SYMPK: variants seen among roughly 807,000 people sequenced by gnomAD.
The protein encoded by SYMPK is symplekin.
In SYMPK, 49 loss-of-function variants were observed where a neutral mutation model predicts 136.4. The ratio of observed to expected loss-of-function variants is 0.36; its 90% CI spans 0.29 to 0.46. SYMPK has a LOEUF of 0.46. SYMPK is among the 20% of genes least tolerant of loss of function. The pLI is 1.00. For synonymous variants in SYMPK, 766 were observed against 713.0 expected (o/e 1.07, Z -1.19); for missense variants, 1,365 against 1,690.0 (o/e 0.81, Z 3.37).
At chr19:45,827,359 G>A (rs59195250) in intron 16 of SYMPK, 151 bp downstream of exon 16, 4 of 460,306 alleles carry the variant, frequency 8.7e-6, no homozygotes, top group Admixed American at 4.0e-5. Flanking sequence ...AAATAAAACA[G>A]ACAGAAATAG....
intron 9 of SYMPK, 111 bp from the exon 10 acceptor site, chr19:45,838,726 G>A: frequency 1.7e-6 from 2 of 1,211,458 alleles, no homozygotes; most frequent in Non-Finnish European, 1.1e-6. Context: ...GCAAACAGGA[G>A]CAAACAGCGG....
At chr19:45,860,510 A>AAG (rs546226005) in intron 1 of SYMPK, among the ~76,000 whole-genome samples, 1 of 151,566 alleles carries the variant, frequency 6.6e-6, no homozygotes, top group Non-Finnish European at 1.5e-5. Flanking sequence ...GAGAAAGAGA[A>AAG]AGAGAGAGAG....
intron 1 of SYMPK, chr19:45,862,113 G>A (rs1320419368): frequency 6.6e-6 from 1 of 151,746 alleles, no homozygotes; most frequent in Non-Finnish European, 1.5e-5. Flanking sequence ...ATATGTTGGA[G>A]GCCACTATAT....
intron 26 of SYMPK, 51 bp from the exon 27 acceptor site, chr19:45,815,748 C>T: frequency 6.3e-7 from 1 of 1,599,306 alleles, no homozygotes; most frequent in Non-Finnish European, 8.5e-7. Context: ...CGGTCACCTC[C>T]ACGCTCCCCT....
chr19:45,853,129 G>C (rs1483721976), intron 3 of SYMPK, among the ~76,000 whole-genome samples: 1 of 152,160 alleles, frequency 6.6e-6, no homozygotes, highest in African/African-American at 2.4e-5. Flanking sequence ...GACCACCCAT[G>C]GGGGAGGCAC....
Position 45,834,322 on chromosome 19 carries a change from G to C in SYMPK, c.1393+756C>G, listed in dbSNP as rs543622506. Reference sequence around the variant, plus strand: ...AACAAAACAAAAGCTAGCCAGGCGTGGTGGCATGTGCCTGTAGTCCCAGCT... The same window carrying C: ...AACAAAACAAAAGCTAGCCAGGCGTCGTGGCATGTGCCTGTAGTCCCAGCT... On this transcript the variant is annotated intron_variant, in intron 11 of 26. Transcript: ENST00000245934. 2.0e-4 allele frequency among the ~76,000 whole-genome samples: 30 copies of C among 152,118 alleles called. No individual in the cohort carries two copies. The South Asian group carries it at 6.2e-3, about 32-fold the overall frequency.
chr19:45,819,131 C>T (rs1315018390), intron 22 of SYMPK: 1 of 152,202 alleles, frequency 6.6e-6, no homozygotes, highest in Non-Finnish European at 1.5e-5. Flanking sequence ...CCTGCCTGCT[C>T]AGCCACCCCA....
intron 10 of SYMPK, among the ~76,000 whole-genome samples, 175 bp from the exon 11 acceptor site, chr19:45,835,403 T>G (rs921832715): frequency 9.9e-5 from 15 of 152,040 alleles, no homozygotes; most frequent in Admixed American, 5.2e-4. Flanking sequence ...TATAGTGTAG[T>G]GCTTGAGAGG....
intron 16 of SYMPK, 33 bp downstream of exon 16, chr19:45,827,477 T>TGA (rs772585589): frequency 6.4e-7 from 1 of 1,557,844 alleles, no homozygotes; most frequent in Non-Finnish European, 8.9e-7. Context: ...AGCTGCAGGC[T>TGA]GAGGGCAGCC....
intron 23 of SYMPK, 120 bp from the exon 24 acceptor site, chr19:45,817,094 G>C (rs1312038020): frequency 1.1e-5 from 12 of 1,085,130 alleles, no homozygotes; most frequent in Non-Finnish European, 1.3e-5. Context: ...GATTCCTCTG[G>C]ATGGGCAACA....
chr19:45,829,320 T>C (rs1167515678), intron 13 of SYMPK, 115 bp from the exon 14 acceptor site: 10 of 947,562 alleles, frequency 1.1e-5, no homozygotes, highest in South Asian at 4.8e-5. Flanking sequence ...AGACAAGGAG[T>C]GAAGCGAGGA....
chr19:45,842,476 C>A lies in SYMPK; in HGVS notation c.861G>T (p.Pro287=). ...TGCTCACCTGCGATTTGGCCAGCGT[C>A]GGGGGCAGGTTGGCTGTGAGGAAAG... is the stretch of plus-strand genomic sequence containing the variant. ...AYETLHANLP[P]TLAKSQVSSV... is the part of the protein sequence containing the mutation. Residue 287 remains proline, a synonymous_variant, in exon 9 of 27, where the codon CCG becomes CCT. Coordinates refer to ENST00000245934, the MANE Select transcript of SYMPK (RefSeq NM_004819.3). 8.7e-6 allele frequency: 14 copies of A among 1,611,746 alleles called. No individual in the cohort carries two copies. The highest frequency in any genetic ancestry group is 1.2e-5 in the Non-Finnish European group (14 of 1,178,350).
intron 9 of SYMPK, among the ~76,000 whole-genome samples, chr19:45,840,787 G>A (rs989299561): frequency 2.0e-5 from 3 of 151,738 alleles, no homozygotes; most frequent in Non-Finnish European, 4.4e-5. Flanking sequence ...AGGCTGCAGT[G>A]AGCCCAGATT....
At chr19:45,817,104 AAGC>A in intron 23 of SYMPK, 130 bp from the exon 24 acceptor site, 1 of 961,642 alleles carries the variant, frequency 1.0e-6, no homozygotes, top group Non-Finnish European at 1.5e-6. Context: ...GATGGGCAAC[AAGC>A]AGCCCCGACC....
intron 1 of SYMPK, among the ~76,000 whole-genome samples, chr19:45,858,814 C>T (rs1377170225): frequency 2.0e-5 from 3 of 152,222 alleles, no homozygotes; most frequent in African/African-American, 7.2e-5. Flanking sequence ...CGCGCCCGGC[C>T]GACGACCATA....
chr19:45,827,360 A>C, intron 16 of SYMPK, 150 bp downstream of exon 16: 1 of 640,070 alleles, frequency 1.6e-6, no homozygotes, highest in Non-Finnish European at 2.8e-6. Flanking sequence ...AATAAAACAG[A>C]CAGAAATAGC....
At chr19:45,849,621 T>C (rs1328836219) in intron 5 of SYMPK, among the ~76,000 whole-genome samples, 2 of 152,228 alleles carry the variant, frequency 1.3e-5, no homozygotes, top group Admixed American at 1.3e-4. Context: ...CATGGATGCC[T>C]GGTACGACAG....
intron 3 of SYMPK, among the ~76,000 whole-genome samples, chr19:45,852,820 G>A (rs1435414206): frequency 6.6e-6 from 1 of 152,144 alleles, no homozygotes; most frequent in Admixed American, 6.5e-5. Context: ...AGATAGTGAG[G>A]ACATGACACA....
intron 23 of SYMPK, among the ~76,000 whole-genome samples, 156 bp downstream of exon 23, chr19:45,817,803 A>G (rs1970788945): frequency 6.6e-6 from 1 of 151,996 alleles, no homozygotes; most frequent in African/African-American, 2.4e-5. Flanking sequence ...GCCCAGTCAT[A>G]CACCCTGGAG....
Sources: allele counts gnomAD v4.1 joint callset (sites outside exome capture counted in the v4.1 genomes callset), GRCh38; gene constraint gnomAD v4.1.1; transcripts MANE v1.5; gene names NCBI Gene and HGNC (gene_info 2026-07-23, HGNC 2026-07-21).